The following BRINP3 variants were observed in gnomAD, a reference collection of about 807,000 sequenced individuals.
The protein encoded by BRINP3 is BMP/retinoic acid inducible neural specific 3.
In BRINP3, 19 loss-of-function variants were observed where a neutral mutation model predicts 71.0. That is an observed-to-expected ratio of 0.27 (90% CI 0.19 to 0.39). The LOEUF (loss-of-function observed/expected upper bound fraction) is 0.39. Among genes scored for constraint, BRINP3 ranks in the 10% least tolerant of loss-of-function variants. BRINP3 has a pLI of 1.00. For synonymous variants in BRINP3, 380 were observed against 337.7 expected (o/e 1.13, Z -1.37); for missense variants, 959 against 940.8 (o/e 1.02, Z -0.25).
At chr1:190,277,404 A>G (rs78836419) in intron 3 of BRINP3, among the ~76,000 whole-genome samples, 2,270 of 151,482 alleles carry the variant, frequency 0.015, 70 homozygotes, top group African/African-American at 0.051. Context: ...TTTCCTGGCT[A>G]CTATGACTGG....
chr1:190,250,203 T>C (rs768698038), intron 4 of BRINP3, among the ~76,000 whole-genome samples: 4 of 151,910 alleles, frequency 2.6e-5, no homozygotes, highest in African/African-American at 4.8e-5. Flanking sequence ...TGAGCTCCTC[T>C]TAAGCAGCAT....
chr1:190,178,783 A>C (rs951816797), intron 6 of BRINP3, among the ~76,000 whole-genome samples: 3 of 152,190 alleles, frequency 2.0e-5, no homozygotes, highest in African/African-American at 7.2e-5. Flanking sequence ...AATATTTAAA[A>C]AATTGGGTGA....
chr1:190,147,266 T>C (rs1458209168), intron 7 of BRINP3, among the ~76,000 whole-genome samples: 1 of 152,130 alleles, frequency 6.6e-6, no homozygotes. Flanking sequence ...TAGATTCAAG[T>C]TTTATTTACT....
intron 1 of BRINP3, among the ~76,000 whole-genome samples, chr1:190,459,301 T>G (rs915381786): frequency 6.6e-6 from 1 of 151,684 alleles, no homozygotes; most frequent in African/African-American, 2.4e-5. Flanking sequence ...ATAAATAATA[T>G]GTGTATAATA....
At chr1:190,304,346 T>C (rs774767463) in intron 2 of BRINP3, among the ~76,000 whole-genome samples, 6 of 151,770 alleles carry the variant, frequency 4.0e-5, no homozygotes, top group Non-Finnish European at 8.9e-5. Context: ...TTAAAAATTA[T>C]CCTTCACAAA....
At chr1:190,359,287 T>C (rs1377069123) in intron 2 of BRINP3, among the ~76,000 whole-genome samples, 4 of 152,090 alleles carry the variant, frequency 2.6e-5, no homozygotes, top group African/African-American at 7.2e-5. Flanking sequence ...TTTATTTCCC[T>C]TGGTGGTTTG....
At chr1:190,450,954 T>C (rs1239239690) in intron 2 of BRINP3, among the ~76,000 whole-genome samples, 2 of 152,048 alleles carry the variant, frequency 1.3e-5, no homozygotes, top group Admixed American at 1.3e-4. Flanking sequence ...TTTTTAAATA[T>C]AATTTTTTTT....
chr1:190,354,137 A>C (rs937729321), intron 2 of BRINP3, among the ~76,000 whole-genome samples: 2 of 151,954 alleles, frequency 1.3e-5, no homozygotes, highest in Non-Finnish European at 2.9e-5. Context: ...TACCAATTTG[A>C]CTAAGCTATA....
chr1:190,116,444 T>A (rs893025711), intron 7 of BRINP3, among the ~76,000 whole-genome samples: 1 of 152,086 alleles, frequency 6.6e-6, no homozygotes, highest in African/African-American at 2.4e-5. Flanking sequence ...AGTTTCGTAA[T>A]ATCTCTAATC....
intron 2 of BRINP3, among the ~76,000 whole-genome samples, chr1:190,319,901 G>T (rs555408937): frequency 6.6e-6 from 1 of 151,864 alleles, no homozygotes; most frequent in Non-Finnish European, 1.5e-5. Context: ...CACATTTGAC[G>T]CCTAGCACTA....
chr1:190,462,443 T>C (rs1171757661), intron 1 of BRINP3, among the ~76,000 whole-genome samples: 3 of 152,000 alleles, frequency 2.0e-5, no homozygotes, highest in African/African-American at 7.2e-5. Flanking sequence ...CCCCCTCTAA[T>C]TGAGGAGCAC....
At chr1:190,255,299 A>G (rs1233518384) in intron 4 of BRINP3, among the ~76,000 whole-genome samples, 1 of 151,736 alleles carries the variant, frequency 6.6e-6, no homozygotes, top group African/African-American at 2.4e-5. Flanking sequence ...TGGCCTCATA[A>G]AATGAGTTAG....
chr1:190,140,672 G>A (rs946837308), intron 7 of BRINP3, among the ~76,000 whole-genome samples: 28 of 152,232 alleles, frequency 1.8e-4, no homozygotes, highest in Admixed American at 8.5e-4. Flanking sequence ...TGTAGAATTT[G>A]TTTTCAAATT....
intron 2 of BRINP3, among the ~76,000 whole-genome samples, chr1:190,303,571 G>C (rs1050609546): frequency 2.6e-5 from 4 of 151,664 alleles, no homozygotes; most frequent in Non-Finnish European, 5.9e-5. Context: ...TAATAAAATT[G>C]CAATTAAGTA....
In BRINP3 at chr1:190,165,460, TTGTG is replaced by T. The variant is rs1222112915; in HGVS notation, c.962-4574_962-4571del. Among the ~76,000 whole-genome samples, 211 of 95,146 alleles carry T rather than the reference TTGTG, an allele frequency of 2.2e-3. 4 individuals carry two copies. The highest frequency in any genetic ancestry group is 2.9e-3 in the Non-Finnish European group (148 of 50,632). The allele number at this position is 95,146 out of a possible 152,430, so 62.4% of individuals were successfully genotyped here. A position where few individuals can be genotyped will look rare whatever the true frequency, so the allele number is the denominator to read the frequency against. Reference sequence around the variant, plus strand: ...CATTGGCTGTTTTTTTTTTTTTTTTTTGTGTGTGTGTGTGTGTGTGTGTGTGTGT... The same window carrying T: ...CATTGGCTGTTTTTTTTTTTTTTTTTTGTGTGTGTGTGTGTGTGTGTGTGT... On this transcript the variant is annotated intron_variant, in intron 6 of 7. Coordinates refer to ENST00000367462, the MANE Select transcript of BRINP3 (RefSeq NM_199051.3).
intron 2 of BRINP3, among the ~76,000 whole-genome samples, chr1:190,328,940 C>T (rs1331275301): frequency 6.6e-6 from 1 of 151,832 alleles, no homozygotes; most frequent in African/African-American, 2.4e-5. Context: ...CATCTCAATG[C>T]CTGCAGAAAA....
At chr1:190,132,248 C>A (rs1403386491) in intron 7 of BRINP3, among the ~76,000 whole-genome samples, 3 of 152,020 alleles carry the variant, frequency 2.0e-5, no homozygotes, top group Admixed American at 6.6e-5. Flanking sequence ...CCTAATCAAT[C>A]ATTCTTTAAA....
intron 7 of BRINP3, among the ~76,000 whole-genome samples, chr1:190,116,209 T>G (rs376344856): frequency 2.0e-5 from 3 of 152,126 alleles, no homozygotes; most frequent in Non-Finnish European, 4.4e-5. Flanking sequence ...ATGTAATTCC[T>G]GAAAAATACT....
chr1:190,302,195 C>T (rs181027166), intron 2 of BRINP3, among the ~76,000 whole-genome samples: 14 of 149,212 alleles, frequency 9.4e-5, no homozygotes, highest in African/African-American at 2.7e-4. Flanking sequence ...TACAGTCCAC[C>T]TTGGTGTTGC....
Sources: gnomAD v4.1 joint callset for allele counts (sites outside exome capture counted in the v4.1 genomes callset) on GRCh38, gnomAD v4.1.1 for gene constraint, MANE v1.5 for transcripts, NCBI Gene and HGNC (gene_info 2026-07-23, HGNC 2026-07-21) for gene names.